TPO: variants seen among roughly 807,000 people sequenced by gnomAD.
The protein encoded by TPO is thyroid peroxidase.
In TPO, 78 loss-of-function variants were observed where a neutral mutation model predicts 96.9. The ratio of observed to expected loss-of-function variants is 0.81; its 90% CI spans 0.67 to 0.97. TPO has a LOEUF of 0.97. TPO is among the 50% of genes least tolerant of loss of function. TPO has a pLI of 0.00. For synonymous variants in TPO, 547 were observed against 538.0 expected, an observed-to-expected ratio of 1.02 and a Z score of -0.23; for missense variants, 1,252 against 1,274.8, an observed-to-expected ratio of 0.98 and a Z score of 0.27.
chr2:1,542,353 CAAGTGTGTGCTGTT>C (rs1558450434), intron 16 of TPO, 54 bp from the exon 17 acceptor site: 1 of 1,595,918 alleles, frequency 6.3e-7, no homozygotes, highest in African/African-American at 1.3e-5. Flanking sequence ...TGTCTTGTAT[CAAGTGTGTGCTGTT>C]ACTGGAGCAG....
At chr2:1,443,004 G>A (rs146892345) in intron 5 of TPO, among the ~76,000 whole-genome samples, 61 of 152,354 alleles carry the variant, frequency 4.0e-4, no homozygotes, top group African/African-American at 1.4e-3. Flanking sequence ...CGGAGGCTGA[G>A]GTCGGGGGAT....
chr2:1,408,716 C>T (rs1004317802), upstream of TPO, among the ~76,000 whole-genome samples: 9 of 152,136 alleles, frequency 5.9e-5, no homozygotes, highest in Non-Finnish European at 1.3e-4. Flanking sequence ...AACATAAAAA[C>T]TTTTGATGTT....
chr2:1,385,690 G>C (rs1163597314), intron 1 of TPO, among the ~76,000 whole-genome samples: 1 of 151,544 alleles, frequency 6.6e-6, no homozygotes, highest in East Asian at 1.9e-4. Context: ...ATTTTTTGAA[G>C]GGTTTTTTGT....
intron 8 of TPO, among the ~76,000 whole-genome samples, chr2:1,482,952 A>T (rs1353177417): frequency 6.6e-6 from 1 of 152,154 alleles, no homozygotes; most frequent in African/African-American, 2.4e-5. Flanking sequence ...AAGTGCTGGG[A>T]TTACAGGCGC....
chr2:1,401,334 A>T (rs1662168195), intron 1 of TPO, among the ~76,000 whole-genome samples: 1 of 152,226 alleles, frequency 6.6e-6, no homozygotes, highest in South Asian at 2.1e-4. Context: ...TCTCAGATGG[A>T]TGGGGAAGGA....
intron 14 of TPO, among the ~76,000 whole-genome samples, chr2:1,514,856 G>C (rs2125066077): frequency 6.6e-6 from 1 of 152,308 alleles, no homozygotes; most frequent in Non-Finnish European, 1.5e-5. Flanking sequence ...CACACTTTTG[G>C]GTAAACATGG....
chr2:1,478,264 GGTCCC>G (rs1164510437), intron 8 of TPO: 1 of 985,318 alleles, frequency 1.0e-6, no homozygotes, highest in African/African-American at 1.7e-5. Context: ...CTGGAAATGC[GGTCCC>G]TGACTCTAGG....
In TPO at chr2:1,542,137, C is replaced by A. The variant is rs1680832658; in HGVS notation, c.2749-284C>A. ...CTGTGGTCGCAGGGACCTGTGTGCT[C>A]AGCACGGCTTCTTCCTGAAGGACCC... is the stretch of plus-strand genomic sequence containing the variant. On this transcript the variant is annotated intron_variant, in intron 16 of 16. Coordinates refer to ENST00000329066, the MANE Select transcript of TPO (RefSeq NM_001206744.2). 7.2e-6 allele frequency: 4 copies of A among 554,892 alleles called. No homozygotes were observed. The South Asian group carries it at 8.3e-5, about 12-fold the overall frequency. 34.4% of individuals were successfully genotyped at this position (554,892 alleles called of 1,614,324 possible).
Position 1,504,093 on chromosome 2 carries a change from C to CCT in TPO, c.2518+23_2518+24dup. ...GAACCTGCGTAGGTGAGGCTGTTCC[C>CCT]CTCTCTCTCTGTCCGTCCATTTGCG... On this transcript the variant is annotated intron_variant, in intron 14 of 16. Transcript: ENST00000329066. 6.2e-7 allele frequency: 1 copy of CCT among 1,613,892 alleles called. No homozygotes were observed. Among genetic ancestry groups the CCT allele is most frequent in the Non-Finnish European group, 8.5e-7 (1 of 1,180,022 alleles).
intron 8 of TPO, among the ~76,000 whole-genome samples, chr2:1,480,773 C>CCTTCATCCGTCCACACCACCTTCCTCCTG (rs1553316739): frequency 1.8e-4 from 17 of 93,992 alleles, no homozygotes; most frequent in East Asian, 3.1e-4. Context: ...CCTCCCTCCT[C>CCTTCATCCGTCCACACCACCTTCCTCCTG]CTGCATCCGT....
intron 1 of TPO, among the ~76,000 whole-genome samples, chr2:1,395,442 A>G (rs73165390): frequency 0.021 from 3,136 of 152,370 alleles, 111 homozygotes; most frequent in African/African-American, 0.072. Context: ...AAAGGAAGCA[A>G]GGCCCAAGTT....
At chr2:1,477,968 G>A (rs766290516) in intron 8 of TPO, 1 of 985,262 alleles carries the variant, frequency 1.0e-6, no homozygotes, top group Non-Finnish European at 1.2e-6. Context: ...CAGGTTTCCC[G>A]GTGCGCACAG....
intron 7 of TPO, among the ~76,000 whole-genome samples, chr2:1,465,867 G>C (rs535087842): frequency 6.6e-6 from 1 of 152,040 alleles, no homozygotes; most frequent in African/African-American, 2.4e-5. Context: ...CTTCCTCTTC[G>C]CCGATTTGGA....
rs186265613 is a variant in TPO at position 1,495,270 on chromosome 2, T to C, written c.2007-719T>C. Reference sequence around the variant, plus strand: ...ATGTTCTAAGAGGAATTCATCCCTGTGATGGGAAGCAGAAGAGTTTTACGT... The same window carrying C: ...ATGTTCTAAGAGGAATTCATCCCTGCGATGGGAAGCAGAAGAGTTTTACGT... On this transcript the variant is annotated intron_variant, in intron 11 of 16. Transcript: ENST00000329066. Among the ~76,000 whole-genome samples, 367 of 152,314 alleles carry C rather than the reference T, an allele frequency of 2.4e-3. 3 individuals carry two copies. The highest frequency in any genetic ancestry group is 1.2e-3 in the Non-Finnish European group (80 of 68,030).
chr2:1,439,435 G>C (rs1034216557), intron 5 of TPO: 1 of 152,284 alleles, frequency 6.6e-6, no homozygotes, highest in African/African-American at 2.4e-5. Context: ...GTGAGCCACA[G>C]AGGGCCCCTG....
intron 8 of TPO, among the ~76,000 whole-genome samples, chr2:1,480,718 T>C (rs55867509): frequency 8.5e-6 from 1 of 117,054 alleles, no homozygotes; most frequent in African/African-American, 3.1e-5. Context: ...CCCTCCTCCT[T>C]CATCCGTCCA....
intron 2 of TPO, among the ~76,000 whole-genome samples, chr2:1,420,005 A>G (rs1663344802): frequency 6.6e-6 from 1 of 152,204 alleles, no homozygotes; most frequent in Non-Finnish European, 1.5e-5. Flanking sequence ...CAATGAAAAC[A>G]CCACCGGTTC....
At chr2:1,480,325 G>C (rs1055259705) in intron 8 of TPO, among the ~76,000 whole-genome samples, 1 of 151,830 alleles carries the variant, frequency 6.6e-6, no homozygotes, top group African/African-American at 2.4e-5. Context: ...AATAAGTTGT[G>C]TTTAACGTGT....
chr2:1,510,762 G>C (rs1322783212), intron 14 of TPO, among the ~76,000 whole-genome samples: 1 of 152,184 alleles, frequency 6.6e-6, no homozygotes, highest in Non-Finnish European at 1.5e-5. Flanking sequence ...GCCCATGTCT[G>C]AGAGATTAAT....
Sources: allele counts gnomAD v4.1 joint callset (sites outside exome capture counted in the v4.1 genomes callset), GRCh38; gene constraint gnomAD v4.1.1; transcripts MANE v1.5; gene names NCBI Gene and HGNC (gene_info 2026-07-23, HGNC 2026-07-21).